The following TSNARE1 variants were observed in gnomAD, a reference collection of about 807,000 sequenced individuals.
TSNARE1 encodes the protein t-SNARE domain-containing protein 1.
In TSNARE1, 49 loss-of-function variants were observed where a neutral mutation model predicts 62.0. The observed-to-expected ratio is 0.79, with a 90% CI of 0.63 to 1.00. TSNARE1 has a LOEUF of 1.00. Among genes scored for constraint, TSNARE1 ranks in the 50% least tolerant of loss-of-function variants. The pLI, the probability that TSNARE1 is intolerant of heterozygous loss-of-function variation, is 0.00. For missense variants in TSNARE1, 755 were observed against 700.1 expected, an observed-to-expected ratio of 1.08 and a Z score of -0.88; for synonymous variants, 328 against 294.4, an observed-to-expected ratio of 1.11 and a Z score of -1.17.
intron 1 of TSNARE1, among the ~76,000 whole-genome samples, chr8:142,391,743 C>T (rs1041803279): frequency 3.3e-5 from 5 of 152,220 alleles, no homozygotes; most frequent in African/African-American, 7.2e-5. Context: ...CCGCAGCAGC[C>T]GGCATGCCTG....
intron 1 of TSNARE1, among the ~76,000 whole-genome samples, chr8:142,394,660 G>A (rs578220067): frequency 6.6e-6 from 1 of 152,192 alleles, no homozygotes; most frequent in African/African-American, 2.4e-5. Context: ...TCATGGTCTT[G>A]GGAAACTACA....
At chr8:142,278,300 C>A (rs568332636) in intron 11 of TSNARE1, 1 of 985,478 alleles carries the variant, frequency 1.0e-6, no homozygotes, top group East Asian at 1.1e-4. Context: ...GCAGGAGCAG[C>A]TGAGGATGCC....
At chr8:142,222,041 T>G (rs1364395600) in intron 13 of TSNARE1, among the ~76,000 whole-genome samples, 1 of 148,916 alleles carries the variant, frequency 6.7e-6, no homozygotes, top group Non-Finnish European at 1.5e-5. Context: ...ACTCATCCAC[T>G]CATCCACTCA....
At chr8:142,348,446 G>A (rs920075722) in intron 2 of TSNARE1, among the ~76,000 whole-genome samples, 5 of 151,910 alleles carry the variant, frequency 3.3e-5, no homozygotes, top group South Asian at 2.1e-4. Flanking sequence ...AGCACGGCTG[G>A]GCTAAGAGAA....
At chr8:142,354,937 A>C (rs1424669165) in intron 1 of TSNARE1, among the ~76,000 whole-genome samples, 174 bp from the exon 2 acceptor site, 11 of 120,454 alleles carry the variant, frequency 9.1e-5, no homozygotes, top group Admixed American at 2.4e-4. Context: ...CAACCCCCCC[A>C]CAGAGCCCCT....
intron 1 of TSNARE1, among the ~76,000 whole-genome samples, chr8:142,398,539 G>A (rs570538079): frequency 7.2e-5 from 11 of 151,874 alleles, no homozygotes; most frequent in Admixed American, 3.9e-4. Flanking sequence ...TCACTCCACC[G>A]CCTCAACCTT....
intron 13 of TSNARE1, among the ~76,000 whole-genome samples, chr8:142,227,689 C>G (rs1816906802): frequency 1.3e-5 from 2 of 152,256 alleles, no homozygotes; most frequent in African/African-American, 4.8e-5. Context: ...TGTTGCGGGA[C>G]GAGCTGACTG....
chr8:142,227,517 GC>G (rs1816898187), intron 13 of TSNARE1, among the ~76,000 whole-genome samples: 1 of 151,964 alleles, frequency 6.6e-6, no homozygotes, highest in African/African-American at 2.4e-5. Context: ...TGACAGCCAG[GC>G]CCCCCATTCT....
Position 142,286,775 on chromosome 8 carries a change from G to A in TSNARE1, c.1291-2290C>T, listed in dbSNP as rs1250604135. Among the ~76,000 whole-genome samples the A allele has an allele frequency of 4.6e-5, 7 of 152,154 alleles. No homozygotes were observed. In the South Asian group the frequency reaches 8.3e-4, roughly 18 times the overall value. ...GCTTCCCAGTTATAGACGTGATCCC[G>A]TCAGAAGCCAGGCATGACCTCACCA... On this transcript the variant is annotated intron_variant, in intron 10 of 13. Transcript: ENST00000524325.
chr8:142,218,432 G>A (rs968954582), intron 13 of TSNARE1, among the ~76,000 whole-genome samples: 1 of 152,200 alleles, frequency 6.6e-6, no homozygotes, highest in Non-Finnish European at 1.5e-5. Context: ...AGGCCTTCTT[G>A]GAGCACAGAC....
At chr8:142,270,435 T>C (rs1454479144) in intron 12 of TSNARE1, 1 of 984,744 alleles carries the variant, frequency 1.0e-6, no homozygotes, top group Non-Finnish European at 1.2e-6. Flanking sequence ...AATCTACAGG[T>C]ACAAAATGTC....
At chr8:142,297,169 C>T (rs1824902127) in intron 10 of TSNARE1, among the ~76,000 whole-genome samples, 1 of 152,228 alleles carries the variant, frequency 6.6e-6, no homozygotes, top group African/African-American at 2.4e-5. Context: ...CAGCCTGGCC[C>T]TTTGTTTTGT....
intron 9 of TSNARE1, 59 bp from the exon 10 acceptor site, chr8:142,300,703 G>A (rs1293911121): frequency 1.3e-6 from 2 of 1,550,476 alleles, no homozygotes; most frequent in Non-Finnish European, 1.7e-6. Flanking sequence ...CCACAACCCA[G>A]GCCCAGAAAT....
Position 142,300,548 on chromosome 8 carries a change from C to G in TSNARE1, c.1228G>C (p.Asp410His), listed in dbSNP as rs1027446591. The part of the protein sequence containing the change: ...WQGQEQALLP[D>H]ITEEDLEAIR... ...GCCTCCAGGTCCTCTTCAGTGATGT[C>G]CGGGAGCAGCGCCTGCTCCTGGCCC... Residue 410 changes from aspartate (D) to histidine (H), a missense_variant, in exon 10 of 14, where the codon GAC (aspartate) becomes CAC (histidine). Physicochemically the swap from Asp to His is moderately conservative, Grantham distance 81 (BLOSUM62 -1). Transcript: ENST00000524325. The G allele has an allele frequency of 1.2e-6, 2 of 1,612,372 alleles. No individual in the cohort carries two copies. Among genetic ancestry groups the G allele is most frequent in the East Asian group, 4.5e-5 (2 of 44,894 alleles).
intron 13 of TSNARE1, among the ~76,000 whole-genome samples, chr8:142,226,061 C>A (rs1286359282): frequency 6.6e-6 from 1 of 152,178 alleles, no homozygotes; most frequent in African/African-American, 2.4e-5. Flanking sequence ...ATTTAGGGCC[C>A]ACCATAACCC....
intron 13 of TSNARE1, among the ~76,000 whole-genome samples, chr8:142,216,617 G>A (rs1188222807): frequency 6.6e-6 from 1 of 152,130 alleles, no homozygotes; most frequent in Non-Finnish European, 1.5e-5. Flanking sequence ...CCTGGGCACG[G>A]GGCACAGGGC....
At chr8:142,324,266 C>A (rs1280676780) in intron 6 of TSNARE1, among the ~76,000 whole-genome samples, 2 of 152,222 alleles carry the variant, frequency 1.3e-5, no homozygotes, top group East Asian at 3.9e-4. Flanking sequence ...CCCCACAAAG[C>A]CAGCTCTGCA....
chr8:142,350,237 C>T (rs1043617801), intron 2 of TSNARE1, among the ~76,000 whole-genome samples: 8 of 151,730 alleles, frequency 5.3e-5, no homozygotes, highest in Admixed American at 3.9e-4. Flanking sequence ...AGGGCTGGGA[C>T]CAGGGCAGGC....
At chr8:142,390,019 C>T (rs1168279238) in intron 1 of TSNARE1, among the ~76,000 whole-genome samples, 1 of 152,210 alleles carries the variant, frequency 6.6e-6, no homozygotes, top group Non-Finnish European at 1.5e-5. Flanking sequence ...ATGCTGTAGG[C>T]AACTGTAACA....
Sources: gnomAD v4.1 joint callset for allele counts (sites outside exome capture counted in the v4.1 genomes callset) on GRCh38, gnomAD v4.1.1 for gene constraint, MANE v1.5 for transcripts, NCBI Gene and HGNC (gene_info 2026-07-23, HGNC 2026-07-21) for gene names.